The following TCEA1 variants were observed in gnomAD, a reference collection of about 807,000 sequenced individuals.
TCEA1 encodes the protein transcription elongation factor A1, also known as transcription elongation factor A protein 1.
TCEA1 carries 21 observed loss-of-function variants against 43.8 expected under a neutral mutation model. The observed-to-expected ratio is 0.48, with a 90% confidence interval of 0.34 to 0.69. The LOEUF is 0.69. TCEA1 is among the 30% of genes least tolerant of loss of function. TCEA1 has a pLI of 0.01. For synonymous variants in TCEA1, 104 were observed against 117.5 expected, an observed-to-expected ratio of 0.88 and a Z score of 0.75; for missense variants, 250 against 365.1, an observed-to-expected ratio of 0.68 and a Z score of 2.57.
At position 53,966,601 on chromosome 8, in the gene TCEA1, A is replaced by G. The variant is rs1802994807; in HGVS notation, c.*1503T>C. The G allele has an allele frequency of 5.6e-6, 1 of 179,996 alleles. No homozygotes were observed. 11.1% of individuals were successfully genotyped at this position (179,996 alleles called of 1,614,324 possible). A position where few individuals can be genotyped will look rare whatever the true frequency, so the allele number is the denominator to read the frequency against. On this transcript the variant is annotated 3_prime_UTR_variant, in exon 10 of 10. Transcript: ENST00000521604. ...ACTTTATTGAATTACAAATTTTAAA[A>G]TGGATCACTTAAAAGTGAGATTATT...
intron 6 of TCEA1, among the ~76,000 whole-genome samples, chr8:53,985,885 A>T (rs911380905): frequency 3.9e-5 from 6 of 152,228 alleles, no homozygotes; most frequent in African/African-American, 1.2e-4. Context: ...ACTTAAATTC[A>T]GACACTACAG....
At chr8:53,978,213 A>T (rs1304518956) in intron 8 of TCEA1, among the ~76,000 whole-genome samples, 3 of 152,130 alleles carry the variant, frequency 2.0e-5, no homozygotes, top group African/African-American at 7.2e-5. Flanking sequence ...AGCCTGGACA[A>T]TGCAGCAAGA....
At chr8:53,982,347 C>CCTGTGG (rs1016432149) in intron 7 of TCEA1, among the ~76,000 whole-genome samples, 1 of 152,056 alleles carries the variant, frequency 6.6e-6, no homozygotes, top group African/African-American at 2.4e-5. Flanking sequence ...GTGGCTCACG[C>CCTGTGG]CTGTAATCCC....
Position 54,022,353 on chromosome 8 carries a change from C to T in TCEA1, c.-228G>A. On this transcript the variant is annotated 5_prime_UTR_variant, in exon 1 of 10. Coordinates refer to ENST00000521604, the MANE Select transcript of TCEA1 (RefSeq NM_006756.4). Reference sequence around the variant, plus strand: ...ACAATCGAACACCGCGCGCGACGTGCAGGCGCTACCAACTGACTGCAGATC... The same window carrying T: ...ACAATCGAACACCGCGCGCGACGTGTAGGCGCTACCAACTGACTGCAGATC... The T allele has an allele frequency of 1.7e-6, 1 of 578,184 alleles. No homozygotes were observed. Among genetic ancestry groups the T allele is most frequent in the South Asian group, 2.0e-5 (1 of 49,414 alleles). 35.8% of individuals were successfully genotyped at this position (578,184 alleles called of 1,614,324 possible).
Position 54,009,299 on chromosome 8 carries a change from A to G in TCEA1, c.126+1131T>C, listed in dbSNP as rs7012322. ...CTCAAGAACTAAAAATTGAAGTACC[A>G]TATGATCCAGCAATCCCACTACCAA... On this transcript the variant is annotated intron_variant, in intron 2 of 9. Transcript: ENST00000521604. Among the ~76,000 whole-genome samples the G allele has an allele frequency of 5.6e-3, 846 of 152,364 alleles. 4 individuals are homozygous for G. The highest frequency in any genetic ancestry group is 0.02 in the African/African-American group (815 of 41,576).
chr8:53,976,241 A>G (rs1333497055), intron 8 of TCEA1, among the ~76,000 whole-genome samples: 1 of 152,182 alleles, frequency 6.6e-6, no homozygotes, highest in African/African-American at 2.4e-5. Flanking sequence ...AACTATTAAC[A>G]TGCCTTCCAA....
intron 4 of TCEA1, among the ~76,000 whole-genome samples, chr8:53,989,718 A>T (rs1179979912): frequency 6.6e-6 from 1 of 152,218 alleles, no homozygotes; most frequent in African/African-American, 2.4e-5. Context: ...TGATAAATGA[A>T]TGAGCAAACT....
In TCEA1 at chr8:54,021,958, G is replaced by A. The variant is rs956077118; in HGVS notation, c.63+105C>T. On this transcript the variant is annotated intron_variant, in intron 1 of 9. Coordinates refer to ENST00000521604, the MANE Select transcript of TCEA1 (RefSeq NM_006756.4). ...GGCGCGGCGGGCCCGGCTCCCAGAC[G>A]GGAGGCTGCAGGGGGAGGGGAGGGA... The A allele has an allele frequency of 2.5e-5, 29 of 1,165,966 alleles. No homozygotes were observed. The Admixed American group carries it at 4.3e-4, about 17-fold the overall frequency. The allele number at this position is 1,165,966 out of a possible 1,614,324, so 72.2% of individuals were successfully genotyped here.
At position 54,022,410 on chromosome 8, in the gene TCEA1, G is replaced by A; in HGVS notation, c.-285C>T. On this transcript the variant is annotated 5_prime_UTR_variant, in exon 1 of 10. Coordinates refer to ENST00000521604, the MANE Select transcript of TCEA1 (RefSeq NM_006756.4). ...GAGGGGCGAGCCCATGTTCCCGCCA[G>A]GCGGGCGTCGGGCTAGTGGGCAGGC... 2.1e-6 allele frequency: 1 copy of A among 482,196 alleles called. No individual in the cohort carries two copies. Among genetic ancestry groups the A allele is most frequent in the Non-Finnish European group, 3.7e-6 (1 of 271,916 alleles). 29.9% of individuals were successfully genotyped at this position (482,196 alleles called of 1,614,324 possible).
intron 3 of TCEA1, among the ~76,000 whole-genome samples, chr8:53,995,777 T>C (rs1424815926): frequency 6.6e-6 from 1 of 152,216 alleles, no homozygotes; most frequent in Non-Finnish European, 1.5e-5. Flanking sequence ...ACAACTCTAA[T>C]ATATAGTTGT....
rs1437882986 is a variant in TCEA1 at position 53,967,205 on chromosome 8, C to T, written c.*899G>A. ...TTAATCCTTGGTCAGTATAGATTTCCGAATCAAAATCTAGTCATGAACTGT... is the reference window on the plus strand; with the variant it reads ...TTAATCCTTGGTCAGTATAGATTTCTGAATCAAAATCTAGTCATGAACTGT... On this transcript the variant is annotated 3_prime_UTR_variant, in exon 10 of 10. Coordinates refer to ENST00000521604, the MANE Select transcript of TCEA1 (RefSeq NM_006756.4). 1 of 202,928 alleles carries T rather than the reference C, an allele frequency of 4.9e-6. No homozygotes were observed. The highest frequency in any genetic ancestry group is 1.0e-5 in the Non-Finnish European group (1 of 98,644). 12.6% of individuals were successfully genotyped at this position (202,928 alleles called of 1,614,324 possible).
chr8:54,014,219 G>C (rs1451139950), intron 1 of TCEA1, among the ~76,000 whole-genome samples: 1 of 152,178 alleles, frequency 6.6e-6, no homozygotes, highest in African/African-American at 2.4e-5. Flanking sequence ...TTCCCCAGCA[G>C]TGCGCCAGTG....
At chr8:53,974,088 AATC>A in intron 8 of TCEA1, 1 of 155,342 alleles carries the variant, frequency 6.4e-6, no homozygotes. Context: ...GAGGCAGGAG[AATC>A]ATTTGAACCA....
At chr8:53,970,324 A>T (rs941306912) in intron 9 of TCEA1, 68 bp downstream of exon 9, 7 of 1,079,730 alleles carry the variant, frequency 6.5e-6, no homozygotes, top group Non-Finnish European at 7.2e-6. Context: ...AGGCAGACCT[A>T]TGAAAAGACC....
rs1278915363 is a variant in TCEA1 at position 53,979,175 on chromosome 8, T to C, written c.679-4A>G. 14 of 1,612,996 alleles carry C rather than the reference T, an allele frequency of 8.7e-6. No homozygotes were observed. Among genetic ancestry groups the C allele is most frequent in the Non-Finnish European group, 1.2e-5 (14 of 1,179,218 alleles). On this transcript the variant is annotated splice_polypyrimidine_tract_variant and splice_region_variant and intron_variant, in intron 7 of 9. Coordinates refer to ENST00000521604, the MANE Select transcript of TCEA1 (RefSeq NM_006756.4). ...TCAGCTCATCACTAGCCATTTCCTATGAGGTAGGGGGCAATACCACTCAGT... is the reference window on the plus strand; with the variant it reads ...TCAGCTCATCACTAGCCATTTCCTACGAGGTAGGGGGCAATACCACTCAGT...
At chr8:54,012,464 G>C (rs1330181414) in intron 1 of TCEA1, among the ~76,000 whole-genome samples, 1 of 152,164 alleles carries the variant, frequency 6.6e-6, no homozygotes, top group Non-Finnish European at 1.5e-5. Context: ...GGAGACTGAG[G>C]CAGAGAGCTG....
intron 1 of TCEA1, among the ~76,000 whole-genome samples, chr8:54,014,223 G>A (rs1019708797): frequency 5.9e-5 from 9 of 152,112 alleles, no homozygotes; most frequent in Non-Finnish European, 8.8e-5. Flanking sequence ...CCAGCAGTGC[G>A]CCAGTGGCAG....
intron 2 of TCEA1, among the ~76,000 whole-genome samples, chr8:54,009,136 G>A (rs1208097154): frequency 1.3e-5 from 2 of 150,990 alleles, no homozygotes; most frequent in African/African-American, 4.9e-5. Context: ...AGGCATGAGC[G>A]CCTGGCCCGG....
At chr8:54,003,729 G>A (rs1245004498) in intron 2 of TCEA1, among the ~76,000 whole-genome samples, 1 of 151,934 alleles carries the variant, frequency 6.6e-6, no homozygotes, top group East Asian at 1.9e-4. Flanking sequence ...CATGACCTTG[G>A]ATTAGGGAAT....
Sources: allele counts gnomAD v4.1 joint callset (sites outside exome capture counted in the v4.1 genomes callset), GRCh38; gene constraint gnomAD v4.1.1; transcripts MANE v1.5; gene names NCBI Gene and HGNC (gene_info 2026-07-23, HGNC 2026-07-21).